Variants in AFG2A observed in about 807,000 individuals in gnomAD.
AFG2A encodes the protein AAA ATPase AFG2A, also known as ATPase family gene 2 protein homolog A.
At chr4:123,012,939 C>T in the AFG2A span, among the ~76,000 whole-genome samples, 7 of 152,114 alleles carry the variant, frequency 4.6e-5, no homozygotes, top group Admixed American at 3.3e-4. Flanking sequence ...ATCCGAGTCA[C>T]GGCACCAAAT....
chr4:123,101,908 C>T, the AFG2A span, among the ~76,000 whole-genome samples: 4 of 151,864 alleles, frequency 2.6e-5, no homozygotes, highest in Non-Finnish European at 4.4e-5. Context: ...TAAAGGCAGA[C>T]AGATGGTTGC....
At chr4:123,057,354 G>T in the AFG2A span, 1 of 1,465,960 alleles carries the variant, frequency 6.8e-7, no homozygotes, top group Non-Finnish European at 9.4e-7. Context: ...TAGCAATTAT[G>T]GTATAAATAG....
chr4:123,075,994 A>G, the AFG2A span, among the ~76,000 whole-genome samples: 3 of 150,380 alleles, frequency 2.0e-5, no homozygotes, highest in East Asian at 4.0e-4. Flanking sequence ...AAAACAAAAA[A>G]AAAAGAAAGC....
the AFG2A span, chr4:122,933,946 T>C: frequency 1.5e-5 from 13 of 860,702 alleles, no homozygotes; most frequent in Non-Finnish European, 2.1e-5. Context: ...TAGGGGAATA[T>C]TAGGTCCTCA....
the AFG2A span, among the ~76,000 whole-genome samples, chr4:122,959,115 C>A: frequency 1.3e-5 from 2 of 152,144 alleles, no homozygotes; most frequent in Non-Finnish European, 2.9e-5. Context: ...TGCTGCTGGT[C>A]CAAGAACTGT....
chr4:123,113,878 C>T, the AFG2A span, among the ~76,000 whole-genome samples: 1 of 152,110 alleles, frequency 6.6e-6, no homozygotes, highest in Non-Finnish European at 1.5e-5. Context: ...TTTCTGTAGG[C>T]AGGTCATCTC....
At chr4:123,187,593 T>C in the AFG2A span, among the ~76,000 whole-genome samples, 1 of 152,222 alleles carries the variant, frequency 6.6e-6, no homozygotes, top group Non-Finnish European at 1.5e-5. Context: ...TATTTATTAC[T>C]GATTAGACAT....
chr4:123,224,490 T>C, the AFG2A span, among the ~76,000 whole-genome samples: 2 of 152,150 alleles, frequency 1.3e-5, no homozygotes, highest in Non-Finnish European at 2.9e-5. Flanking sequence ...GATAGTTTGC[T>C]GAGAATGATG....
chr4:122,984,083 C>T, the AFG2A span, among the ~76,000 whole-genome samples: 8 of 152,156 alleles, frequency 5.3e-5, no homozygotes, highest in Non-Finnish European at 4.4e-5. Flanking sequence ...CTTCAACACC[C>T]CTCAAAAATC....
At chr4:123,174,827 AT>A in the AFG2A span, among the ~76,000 whole-genome samples, 58 of 142,482 alleles carry the variant, frequency 4.1e-4, no homozygotes, top group Middle Eastern at 3.6e-3. Context: ...TTTAAAAAAA[AT>A]ATATATATAT....
the AFG2A span, among the ~76,000 whole-genome samples, chr4:123,186,681 T>TA: frequency 6.6e-6 from 1 of 152,122 alleles, no homozygotes; most frequent in East Asian, 1.9e-4. Context: ...AATATGACTT[T>TA]TAGGGTCATA....
the AFG2A span, among the ~76,000 whole-genome samples, chr4:123,160,731 G>A: frequency 3.9e-5 from 6 of 151,984 alleles, no homozygotes; most frequent in Non-Finnish European, 8.8e-5. Flanking sequence ...TTAAATACAA[G>A]TAGTATCCCC....
the AFG2A span, among the ~76,000 whole-genome samples, chr4:123,152,745 G>C: frequency 6.6e-6 from 1 of 152,194 alleles, no homozygotes; most frequent in African/African-American, 2.4e-5. Context: ...CAACAGTTGC[G>C]CTCCTTGGTA....
chr4:123,132,866 C>T, the AFG2A span, among the ~76,000 whole-genome samples: 2 of 151,422 alleles, frequency 1.3e-5, no homozygotes, highest in African/African-American at 2.4e-5. Context: ...CTGCAAGCCC[C>T]GCCTCCTGGG....
At chr4:122,934,819 A>C in the AFG2A span, 5 of 1,468,840 alleles carry the variant, frequency 3.4e-6, no homozygotes, top group Non-Finnish European at 4.5e-6. Flanking sequence ...ATGATTGCTC[A>C]TCCTCTTTTC....
chr4:123,059,275 G>T, the AFG2A span, among the ~76,000 whole-genome samples: 4 of 151,114 alleles, frequency 2.6e-5, no homozygotes, highest in South Asian at 2.1e-4. Flanking sequence ...TTAGCATTAG[G>T]TATATCTCCT....
chr4:122,974,638 T>C, the AFG2A span, among the ~76,000 whole-genome samples: 1 of 152,134 alleles, frequency 6.6e-6, no homozygotes, highest in South Asian at 2.1e-4. Flanking sequence ...CATTGTAAAG[T>C]GGAAAACTCT....
At chr4:122,995,169 TA>T in the AFG2A span, among the ~76,000 whole-genome samples, 4 of 152,182 alleles carry the variant, frequency 2.6e-5, no homozygotes, top group East Asian at 5.8e-4. Context: ...TTTTATATTT[TA>T]TTTTTTTACA....
chr4:123,303,908 T>C, the AFG2A span, among the ~76,000 whole-genome samples: 1 of 150,666 alleles, frequency 6.6e-6, no homozygotes, highest in African/African-American at 2.5e-5. Flanking sequence ...TGTATGACTT[T>C]AACATAATCC....
Sources: allele counts gnomAD v4.1 joint callset (sites outside exome capture counted in the v4.1 genomes callset), GRCh38; gene constraint gnomAD v4.1.1; transcripts MANE v1.5; gene names NCBI Gene and HGNC (gene_info 2026-07-23, HGNC 2026-07-21).